DMD: variants seen among roughly 807,000 people sequenced by gnomAD.
DMD encodes mutant dystrophin.
A neutral mutation model predicts 330.1 loss-of-function variants in DMD; 63 were observed. The observed-to-expected ratio is 0.19, with a 90% CI of 0.16 to 0.24. DMD has a LOEUF of 0.24. Ranked by LOEUF, DMD falls within the 10% of genes least tolerant of loss-of-function variation. The probability of loss-of-function intolerance (pLI) is 1.00; values close to 1 mark genes in which losing one functional copy is unlikely to be tolerated. For synonymous variants in DMD, 1,223 were observed against 959.8 expected (o/e 1.27, Z -5.07); for missense variants, 3,344 against 2,684.1 (o/e 1.25, Z -5.43).
At chrX:32,242,698 G>T (rs1339954199) in intron 43 of DMD, among the ~76,000 whole-genome samples, 10 of 110,995 alleles carry the variant, frequency 9.0e-5, no homozygotes, top group African/African-American at 3.3e-4. Context: ...AAATGCTTCT[G>T]TGTGTTCTAA....
chrX:31,694,649 TACACAC>T (rs1556821033), intron 52 of DMD, among the ~76,000 whole-genome samples: 8 of 75,621 alleles, frequency 1.1e-4, no homozygotes, highest in African/African-American at 1.8e-4. Flanking sequence ...TATATATATA[TACACAC>T]ACATATATGT....
intron 2 of DMD, among the ~76,000 whole-genome samples, chrX:32,902,166 C>T (rs1601814005): frequency 1.0e-5 from 1 of 99,941 alleles, no homozygotes; most frequent in South Asian, 4.5e-4. Flanking sequence ...CAAACACACA[C>T]ACACACACAC....
chrX:33,096,132 G>A (rs1373979852), intron 1 of DMD, among the ~76,000 whole-genome samples: 1 of 109,049 alleles, frequency 9.2e-6, no homozygotes, highest in Non-Finnish European at 1.9e-5. Flanking sequence ...CTGCCACCAC[G>A]CCCGGCTAAC....
chrX:32,467,883 T>C (rs5971636), intron 23 of DMD, among the ~76,000 whole-genome samples: 1,547 of 109,746 alleles, frequency 0.014, 27 homozygotes, highest in African/African-American at 0.047. Context: ...TTCTTAGGAG[T>C]ATCATAGGAC....
chrX:31,510,969 G>A (rs1034602691), intron 55 of DMD, among the ~76,000 whole-genome samples: 3 of 111,575 alleles, frequency 2.7e-5, no homozygotes, highest in Non-Finnish European at 5.6e-5. Context: ...AGAGCCATGT[G>A]GACTACTATG....
At chrX:32,711,542 T>C (rs967437314) in intron 7 of DMD, among the ~76,000 whole-genome samples, 1 of 111,739 alleles carries the variant, frequency 8.9e-6, no homozygotes, top group African/African-American at 3.3e-5. Flanking sequence ...AGTTCAACCG[T>C]TAGTTGTCTT....
At chrX:31,384,112 G>A (rs1419299557) in intron 60 of DMD, among the ~76,000 whole-genome samples, 1 of 111,370 alleles carries the variant, frequency 9.0e-6, no homozygotes, top group African/African-American at 3.3e-5. Flanking sequence ...ACACTGCCAT[G>A]GGGCCCACAC....
At chrX:31,867,377 T>G (rs1355683658) in intron 48 of DMD, among the ~76,000 whole-genome samples, 1 of 111,022 alleles carries the variant, frequency 9.0e-6, no homozygotes, top group African/African-American at 3.3e-5. Context: ...CATTTATTTT[T>G]GAAATCTTTT....
chrX:32,880,235 A>ATT (rs199747063), intron 2 of DMD, among the ~76,000 whole-genome samples: 72 of 84,899 alleles, frequency 8.5e-4, no homozygotes, highest in Middle Eastern at 7.2e-3. Context: ...ACTCCTCAGC[A>ATT]TTTTTTTTTT....
At chrX:31,373,709 C>T (rs1315116868) in intron 60 of DMD, among the ~76,000 whole-genome samples, 3 of 111,371 alleles carry the variant, frequency 2.7e-5, no homozygotes, top group Admixed American at 9.5e-5. Flanking sequence ...CCTAAAACCA[C>T]AAAAACTCTA....
chrX:33,150,440 TG>T (rs2048230353), intron 1 of DMD, among the ~76,000 whole-genome samples: 1 of 109,218 alleles, frequency 9.2e-6, no homozygotes, highest in East Asian at 2.9e-4. Flanking sequence ...ATTACAGATG[TG>T]CACCACCACG....
At chrX:32,740,783 T>A (rs1043451746) in intron 7 of DMD, among the ~76,000 whole-genome samples, 6 of 111,307 alleles carry the variant, frequency 5.4e-5, no homozygotes, top group Non-Finnish European at 9.4e-5. Context: ...TTCCCATGCG[T>A]TATTTCTATG....
At chrX:31,147,161 T>TAC (rs967518749) in intron 75 of DMD, 114 bp downstream of exon 75, 39 of 1,013,337 alleles carry the variant, frequency 3.8e-5, no homozygotes, top group Non-Finnish European at 5.2e-5. Context: ...TGCAGGCACA[T>TAC]ACCAAGCACT....
chrX:32,954,597 CTT>C (rs2091459340), intron 2 of DMD, among the ~76,000 whole-genome samples: 2 of 111,511 alleles, frequency 1.8e-5, no homozygotes, highest in African/African-American at 6.5e-5. Context: ...TATAGGTAAA[CTT>C]ATGTCATGGG....
chrX:31,970,540 G>A (rs762316341), intron 44 of DMD, among the ~76,000 whole-genome samples: 6 of 110,968 alleles, frequency 5.4e-5, no homozygotes, highest in Non-Finnish European at 7.6e-5. Context: ...AAGGATGAGC[G>A]GAGGAGACTT....
intron 48 of DMD, among the ~76,000 whole-genome samples, chrX:31,857,769 AAT>A (rs201126008): frequency 0.044 from 4,879 of 110,609 alleles, 86 homozygotes; most frequent in Middle Eastern, 0.075. Flanking sequence ...TCCTTTTCAA[AAT>A]ATATGTCAGA....
At chrX:32,261,441 A>G (rs2097323105) in intron 43 of DMD, among the ~76,000 whole-genome samples, 2 of 111,785 alleles carry the variant, frequency 1.8e-5, no homozygotes, top group African/African-American at 3.2e-5. Context: ...AAGTGCAGGG[A>G]GGTATAAAGA....
At chrX:31,185,344 A>G (rs1350451374) in intron 67 of DMD, among the ~76,000 whole-genome samples, 6 of 110,644 alleles carry the variant, frequency 5.4e-5, no homozygotes, top group Admixed American at 2.9e-4. Context: ...CTCTTCTTCA[A>G]TCTATATTTC....
intron 2 of DMD, among the ~76,000 whole-genome samples, chrX:32,979,900 A>T (rs1283303710): frequency 6.3e-5 from 7 of 111,398 alleles, no homozygotes; most frequent in Non-Finnish European, 1.1e-4. Context: ...TATCACCGTA[A>T]TTTAGGGAGG....
Sources: allele counts gnomAD v4.1 joint callset (sites outside exome capture counted in the v4.1 genomes callset), GRCh38; gene constraint gnomAD v4.1.1; transcripts MANE v1.5; gene names NCBI Gene and HGNC (gene_info 2026-07-23, HGNC 2026-07-21).